The following PZP variants were observed in gnomAD, a reference collection of about 807,000 sequenced individuals.
PZP encodes the protein PZP alpha-2-macroglobulin like.
A neutral mutation model predicts 179.8 loss-of-function variants in PZP; 150 were observed. That is an observed-to-expected ratio of 0.83 (90% CI 0.73 to 0.96). PZP has a LOEUF of 0.96. PZP is among the 40% of genes least tolerant of loss of function. PZP has a pLI of 0.00. For synonymous variants in PZP, 624 were observed against 652.3 expected, an observed-to-expected ratio of 0.96 and a Z score of 0.66; for missense variants, 1,689 against 1,764.0, an observed-to-expected ratio of 0.96 and a Z score of 0.76.
chr12:9,189,888 A>G (rs1035080857), intron 13 of PZP, among the ~76,000 whole-genome samples: 3 of 152,246 alleles, frequency 2.0e-5, no homozygotes, highest in Middle Eastern at 3.2e-3. Context: ...AGCCAATGAA[A>G]AAAAGCTCAA....
chr12:9,169,754 T>C, intron 15 of PZP, 163 bp from the exon 16 acceptor site: 1 of 580,598 alleles, frequency 1.7e-6, no homozygotes, highest in Non-Finnish European at 2.6e-6. Context: ...TTAACAGTGT[T>C]GTTTTGTTAT....
chr12:9,202,836 T>C (rs1944243558), intron 2 of PZP, 152 bp from the exon 3 acceptor site: 4 of 743,360 alleles, frequency 5.4e-6, no homozygotes, highest in East Asian at 2.7e-5. Flanking sequence ...ACGATATTAA[T>C]GTGAGATGGA....
intron 29 of PZP, among the ~76,000 whole-genome samples, chr12:9,153,550 AT>A (rs1436066471): frequency 6.6e-6 from 1 of 152,256 alleles, no homozygotes; most frequent in East Asian, 1.9e-4. Flanking sequence ...AAGGCTAATA[AT>A]GTTTATTAAT....
chr12:9,173,874 T>G (rs1942174445), intron 15 of PZP, among the ~76,000 whole-genome samples: 1 of 152,188 alleles, frequency 6.6e-6, no homozygotes, highest in South Asian at 2.1e-4. Flanking sequence ...ACCAGATGGA[T>G]GCACAGCTGA....
the PZP span, among the ~76,000 whole-genome samples, chr12:9,139,904 G>A: frequency 2.6e-4 from 40 of 152,254 alleles, no homozygotes; most frequent in South Asian, 7.9e-3. Flanking sequence ...AGGGTTTTAG[G>A]GTAAGAGAGC....
rs1396287158 is a variant in PZP, at chr12:9,160,023, A to G, written c.3052T>C (p.Tyr1018His). ...TGTTTGTAGTTCAGCTGTCTCTGGT[A>G]ACCTGAAATGGAAGGCTTCAGATTG... ...AKAVGYLITG[Y>H]QRQLNYKHQD... The change falls in exon 25 of 36, where the codon TAC becomes CAC. Residue 1018 changes from tyrosine to histidine, a missense_variant and splice_region_variant. Transcript: ENST00000261336. 1.2e-6 allele frequency: 2 copies of G among 1,613,232 alleles called. No homozygotes were observed. The highest frequency in any genetic ancestry group is 1.7e-6 in the Non-Finnish European group (2 of 1,179,232).
At chr12:9,173,810 G>A (rs147212390) in intron 15 of PZP, among the ~76,000 whole-genome samples, 11 of 152,138 alleles carry the variant, frequency 7.2e-5, no homozygotes, top group Admixed American at 2.6e-4. Flanking sequence ...GACCAATAAC[G>A]AGTTCTGAAA....
chr12:9,163,296 CAAAA>C (rs139918325), intron 21 of PZP, among the ~76,000 whole-genome samples: 34,393 of 134,454 alleles, frequency 0.26, 4,527 homozygotes, highest in Admixed American at 0.36. Context: ...ACTAAAAATA[CAAAA>C]AAAAAAAAAA....
At position 9,204,822 on chromosome 12, in the gene PZP, G is replaced by A. The variant is rs534438887; in HGVS notation, c.84-871C>T. 6.8e-4 allele frequency among the ~76,000 whole-genome samples: 103 copies of A among 152,272 alleles called. 2 individuals are homozygous for A. The South Asian group carries it at 7.7e-3, about 11-fold the overall frequency. On this transcript the variant is annotated intron_variant, in intron 1 of 35. Coordinates refer to ENST00000261336, the MANE Select transcript of PZP (RefSeq NM_002864.3). ...AAAAACAAACAGGTTCAGGCTGGGA[G>A]AAGTGGCTTATACCTAGTTCCCGGC... is the stretch of plus-strand genomic sequence containing the variant.
intron 23 of PZP, among the ~76,000 whole-genome samples, 161 bp downstream of exon 23, chr12:9,160,872 G>A (rs1282475018): frequency 2.3e-4 from 35 of 151,210 alleles, no homozygotes; most frequent in Admixed American, 5.9e-4. Flanking sequence ...CCGAGATCAC[G>A]TCACTGTACT....
chr12:9,206,928 A>C (rs1307306843), intron 1 of PZP, among the ~76,000 whole-genome samples: 1 of 152,152 alleles, frequency 6.6e-6, no homozygotes, highest in Admixed American at 6.5e-5. Context: ...CAGAAAGCAA[A>C]ATAGCCTCCA....
At chr12:9,146,027 TCTTA>T (rs1408068939), downstream of PZP, among the ~76,000 whole-genome samples, 7 of 152,164 alleles carry the variant, frequency 4.6e-5, no homozygotes. Context: ...ATTGGGTTCA[TCTTA>T]CTTAGTTATT....
intron 1 of PZP, among the ~76,000 whole-genome samples, chr12:9,205,671 T>C (rs1396681985): frequency 1.3e-5 from 2 of 152,302 alleles, no homozygotes; most frequent in Non-Finnish European, 2.9e-5. Flanking sequence ...ATTTATAGAG[T>C]AAATTTGCAA....
chr12:9,174,681 A>C (rs1017909929), intron 15 of PZP, among the ~76,000 whole-genome samples: 3 of 152,214 alleles, frequency 2.0e-5, no homozygotes, highest in Non-Finnish European at 2.9e-5. Context: ...GCAAGCAGAG[A>C]TCCAAATCAT....
chr12:9,163,955 C>A (rs748343851), intron 20 of PZP, among the ~76,000 whole-genome samples, 166 bp from the exon 21 acceptor site: 10 of 152,170 alleles, frequency 6.6e-5, no homozygotes, highest in African/African-American at 2.4e-4. Flanking sequence ...GATAGTGATT[C>A]TGGGGACTAG....
At chr12:9,163,638 A>G (rs1213195352) in intron 21 of PZP, 30 bp downstream of exon 21, 17 of 1,609,104 alleles carry the variant, frequency 1.1e-5, no homozygotes, top group Non-Finnish European at 1.3e-5. Flanking sequence ...GCATTCTTAC[A>G]GTTGTTAGGG....
chr12:9,194,532 T>C (rs1433824648), intron 10 of PZP, among the ~76,000 whole-genome samples: 2 of 145,562 alleles, frequency 1.4e-5, no homozygotes, highest in African/African-American at 5.1e-5. Context: ...TGGCGCGATC[T>C]CGGCTCACTG....
chr12:9,208,272 T>G lies in PZP; in HGVS notation c.70A>C (p.Asn24His). 1 of 1,613,134 alleles carries G rather than the reference T, an allele frequency of 6.2e-7. No homozygotes were observed. The highest frequency in any genetic ancestry group is 2.2e-5 in the East Asian group (1 of 44,872). ...AGTGAGACTTACGGTTCTGTAGAGT[T>G]TGAGTCACTGGCAGAAAGCAGGATA... ...LLILLSASDS[N>H]STEPQYMVLV... Residue 24 changes from asparagine (N) to histidine (H), a missense_variant, in exon 1 of 36, where the codon AAC (asparagine) becomes CAC (histidine). Asn to His is a moderately conservative substitution (Grantham distance 68, BLOSUM62 1). This residue lies in a region of PZP where 742 missense variants were observed against 730.5 expected (regional missense o/e 1.02). Coordinates refer to ENST00000261336, the MANE Select transcript of PZP (RefSeq NM_002864.3).
At chr12:9,144,616 A>AT (rs1205668566), downstream of PZP, among the ~76,000 whole-genome samples, 1 of 152,186 alleles carries the variant, frequency 6.6e-6, no homozygotes, top group African/African-American at 2.4e-5. Flanking sequence ...CTTCTGGCCA[A>AT]TTTTAGTCAG....
Sources: gnomAD v4.1 joint callset for allele counts (sites outside exome capture counted in the v4.1 genomes callset) on GRCh38, gnomAD v4.1.1 for gene constraint, gnomAD v4.1.1 regional missense constraint, MANE v1.5 for transcripts, NCBI Gene and HGNC (gene_info 2026-07-23, HGNC 2026-07-21) for gene names.